The following PTPRN2 variants were observed in gnomAD, a reference collection of about 807,000 sequenced individuals.
PTPRN2 encodes the protein protein tyrosine phosphatase receptor type N2.
PTPRN2 carries 74 observed loss-of-function variants against 118.8 expected under a neutral mutation model. That is an observed-to-expected ratio of 0.62 (90% CI 0.52 to 0.76). The LOEUF (loss-of-function observed/expected upper bound fraction) is 0.76. PTPRN2 is among the 30% of genes least tolerant of loss of function. PTPRN2 has a pLI of 0.00. For missense variants in PTPRN2, 1,481 were observed against 1,394.4 expected, an observed-to-expected ratio of 1.06 and a Z score of -0.99; for synonymous variants, 641 against 608.0, an observed-to-expected ratio of 1.05 and a Z score of -0.80.
chr7:157,839,292 T>A (rs1032796653), intron 12 of PTPRN2, among the ~76,000 whole-genome samples: 1 of 152,220 alleles, frequency 6.6e-6, no homozygotes, highest in African/African-American at 2.4e-5. Context: ...GAGTGCATGT[T>A]CATCACTGTC....
Position 157,657,066 on chromosome 7 carries a change from C to A in PTPRN2, c.2002-515G>T, listed in dbSNP as rs1458490164. 2.3e-5 allele frequency among the ~76,000 whole-genome samples: 3 copies of A among 132,708 alleles called. No homozygotes were observed. The Admixed American group carries it at 2.3e-4, about 10-fold the overall frequency. The allele number at this position is 132,708 out of a possible 152,430, so 87.1% of individuals were successfully genotyped here. A position where few individuals can be genotyped will look rare whatever the true frequency, so the allele number is the denominator to read the frequency against. On this transcript the variant is annotated intron_variant, in intron 13 of 22. Transcript: ENST00000389418. ...ACACACACATACACCACACACACCACACACGTCACACATATACACACACAT... is the reference window on the plus strand; with the variant it reads ...ACACACACATACACCACACACACCAAACACGTCACACATATACACACACAT...
chr7:158,078,604 C>T (rs980480694), intron 11 of PTPRN2, among the ~76,000 whole-genome samples: 8 of 152,238 alleles, frequency 5.3e-5, no homozygotes, highest in Non-Finnish European at 1.2e-4. Context: ...TCCTCTTCAC[C>T]GTGCTAAGCA....
chr7:158,341,546 CT>C (rs1806795539), intron 2 of PTPRN2, among the ~76,000 whole-genome samples: 1 of 110,306 alleles, frequency 9.1e-6, no homozygotes, highest in East Asian at 3.0e-4. Context: ...GAGGTGACAT[CT>C]GCAGACGTCA....
In PTPRN2 at chr7:157,583,099, A is replaced by T. The variant is rs1800483552; in HGVS notation, c.2497-4959T>A. Reference sequence around the variant, plus strand: ...CATGTCTGTCAATGGATAATGGCTAAAGAAAATGTGGTATATACACAATGA... The same window carrying T: ...CATGTCTGTCAATGGATAATGGCTATAGAAAATGTGGTATATACACAATGA... On this transcript the variant is annotated intron_variant, in intron 17 of 22. Transcript: ENST00000389418. This position sits in a 1 kb window ranked among gnomAD's most constrained non-coding sequence, Gnocchi z 5.5. Among the ~76,000 whole-genome samples, 1 of 152,142 alleles carries T rather than the reference A, an allele frequency of 6.6e-6. No homozygotes were observed. Among genetic ancestry groups the T allele is most frequent in the African/African-American group, 2.4e-5 (1 of 41,442 alleles).
At chr7:157,691,502 A>G (rs1431685395) in intron 12 of PTPRN2, among the ~76,000 whole-genome samples, 1 of 152,134 alleles carries the variant, frequency 6.6e-6, no homozygotes, top group Non-Finnish European at 1.5e-5. Flanking sequence ...TGCTCACTTT[A>G]CCAGGGTCCT....
chr7:158,398,366 G>C (rs142389409), intron 2 of PTPRN2, among the ~76,000 whole-genome samples: 3,577 of 152,254 alleles, frequency 0.023, 135 homozygotes, highest in African/African-American at 0.081. Flanking sequence ...GCAATGCCGA[G>C]GGCAGCTGCC....
At chr7:157,734,101 C>T (rs1193775733) in intron 12 of PTPRN2, among the ~76,000 whole-genome samples, 14 of 56,292 alleles carry the variant, frequency 2.5e-4, no homozygotes, top group Middle Eastern at 0.01. Flanking sequence ...GTTACCCTTT[C>T]CCGTCCCATG....
At chr7:157,916,052 T>G (rs1233100693) in intron 11 of PTPRN2, among the ~76,000 whole-genome samples, 1 of 152,234 alleles carries the variant, frequency 6.6e-6, no homozygotes, top group African/African-American at 2.4e-5. Flanking sequence ...TATATTATGC[T>G]AAATATAACT....
intron 1 of PTPRN2, among the ~76,000 whole-genome samples, chr7:158,557,872 C>T (rs1160345252): frequency 6.6e-6 from 1 of 152,164 alleles, no homozygotes; most frequent in Non-Finnish European, 1.5e-5. Flanking sequence ...GCACCTCGCC[C>T]TCTTCCCAGC....
At chr7:158,577,868 A>G (rs767528702) in intron 1 of PTPRN2, among the ~76,000 whole-genome samples, 5 of 152,324 alleles carry the variant, frequency 3.3e-5, no homozygotes, top group Non-Finnish European at 7.4e-5. Flanking sequence ...AACTCTGAAT[A>G]GTGCACTGGG....
In PTPRN2 at chr7:157,792,543, C is replaced by T. The variant is rs117743164; in HGVS notation, c.1788+106130G>A. On this transcript the variant is annotated intron_variant, in intron 12 of 22. Coordinates refer to ENST00000389418, the MANE Select transcript of PTPRN2 (RefSeq NM_002847.5). Reference sequence around the variant, plus strand: ...GATCCCACATGGCACGGCTCCTGCACGTCCAGGGCATCTGCTAGTCGTCTT... The same window carrying T: ...GATCCCACATGGCACGGCTCCTGCATGTCCAGGGCATCTGCTAGTCGTCTT... 6.1e-3 allele frequency among the ~76,000 whole-genome samples: 922 copies of T among 152,336 alleles called. 26 individuals carry two copies. The South Asian group carries it at 0.072, about 12-fold the overall frequency.
At chr7:157,657,384 G>A (rs1340706704) in intron 13 of PTPRN2, among the ~76,000 whole-genome samples, 76 of 53,530 alleles carry the variant, frequency 1.4e-3, no homozygotes, top group East Asian at 0.013. Context: ...ACACACAAAC[G>A]CCACACACAC....
chr7:157,620,582 A>G (rs1404630865), intron 15 of PTPRN2, among the ~76,000 whole-genome samples: 1 of 152,196 alleles, frequency 6.6e-6, no homozygotes, highest in Non-Finnish European at 1.5e-5. Flanking sequence ...CGTGACCCCA[A>G]TTACAGATGT....
intron 2 of PTPRN2, among the ~76,000 whole-genome samples, chr7:158,340,351 C>G (rs1806438952): frequency 9.9e-6 from 1 of 101,002 alleles, no homozygotes; most frequent in African/African-American, 3.6e-5. Flanking sequence ...ACCATAAGAG[C>G]TGAGGCCCAC....
intron 2 of PTPRN2, among the ~76,000 whole-genome samples, chr7:158,421,097 C>T (rs1269331762): frequency 6.6e-6 from 1 of 152,208 alleles, no homozygotes; most frequent in Non-Finnish European, 1.5e-5. Flanking sequence ...TCCCGTACCC[C>T]ATTAGACGTG....
At chr7:157,846,499 C>T (rs912501302) in intron 12 of PTPRN2, among the ~76,000 whole-genome samples, 1 of 151,938 alleles carries the variant, frequency 6.6e-6, no homozygotes, top group African/African-American at 2.4e-5. Context: ...GGGGCGTCCC[C>T]ACAATTTTGG....
At chr7:158,423,010 A>G (rs185856810) in intron 2 of PTPRN2, among the ~76,000 whole-genome samples, 1 of 152,242 alleles carries the variant, frequency 6.6e-6, no homozygotes, top group Non-Finnish European at 1.5e-5. Context: ...AGTTTCCCAG[A>G]TAGGAACCAT....
intron 4 of PTPRN2, among the ~76,000 whole-genome samples, chr7:158,194,814 A>G (rs1004072634): frequency 6.6e-6 from 1 of 152,226 alleles, no homozygotes; most frequent in African/African-American, 2.4e-5. Flanking sequence ...TGTCACGTTT[A>G]ACTGACCACA....
intron 1 of PTPRN2, among the ~76,000 whole-genome samples, chr7:158,501,853 CT>C (rs1182416598): frequency 6.6e-6 from 1 of 152,200 alleles, no homozygotes; most frequent in East Asian, 1.9e-4. Context: ...AGTTCTACCC[CT>C]GAAAGTGAGA....
Sources: allele counts gnomAD v4.1 joint callset (sites outside exome capture counted in the v4.1 genomes callset), GRCh38; gene constraint gnomAD v4.1.1; non-coding constraint Gnocchi (gnomAD v3.1); transcripts MANE v1.5; gene names NCBI Gene and HGNC (gene_info 2026-07-23, HGNC 2026-07-21).